SH3KBP1: variants seen among roughly 807,000 people sequenced by gnomAD.
SH3KBP1 encodes SH3 domain-containing kinase-binding protein 1.
SH3KBP1 carries 8 observed loss-of-function variants against 50.1 expected under a neutral mutation model. The observed-to-expected ratio is 0.16, with a 90% CI of 0.09 to 0.29. SH3KBP1 has a LOEUF of 0.29. Among genes scored for constraint, SH3KBP1 ranks in the 10% least tolerant of loss-of-function variants. SH3KBP1 has a pLI of 1.00. For missense variants in SH3KBP1, 377 were observed against 535.2 expected (o/e 0.70, Z 2.92); for synonymous variants, 227 against 218.6 (o/e 1.04, Z -0.34).
chrX:19,831,518 G>A (rs1432900089), intron 2 of SH3KBP1, among the ~76,000 whole-genome samples: 1 of 106,875 alleles, frequency 9.4e-6, no homozygotes, highest in Non-Finnish European at 1.9e-5. Flanking sequence ...CTGACCGGGT[G>A]TGGTGGCTCA....
At chrX:19,683,715 A>G in intron 6 of SH3KBP1, 108 bp downstream of exon 6, 3 of 685,241 alleles carry the variant, frequency 4.4e-6, no homozygotes, top group Admixed American at 4.8e-5. Flanking sequence ...GTACATGAGG[A>G]CATGGAAACC....
intron 13 of SH3KBP1, among the ~76,000 whole-genome samples, chrX:19,561,419 A>T (rs777764458): frequency 1.8e-5 from 2 of 111,362 alleles, no homozygotes; most frequent in South Asian, 7.6e-4. Context: ...TTAGGAAAAA[A>T]ATTACAAGTA....
intron 3 of SH3KBP1, among the ~76,000 whole-genome samples, chrX:19,719,642 T>C (rs985379039): frequency 9.1e-6 from 1 of 110,330 alleles, no homozygotes; most frequent in Non-Finnish European, 1.9e-5. Context: ...GAATTAGCCA[T>C]GTGAAAGGGT....
At chrX:19,671,397 T>TACAC (rs779834613) in intron 6 of SH3KBP1, among the ~76,000 whole-genome samples, 2 of 73,648 alleles carry the variant, frequency 2.7e-5, no homozygotes, top group African/African-American at 8.1e-5. Flanking sequence ...CACACACACA[T>TACAC]ACACACACAC....
At chrX:19,540,920 CTT>C (rs771269101) in intron 16 of SH3KBP1, among the ~76,000 whole-genome samples, 3 of 103,903 alleles carry the variant, frequency 2.9e-5, no homozygotes, top group Non-Finnish European at 4.0e-5. Context: ...TGCCTCCCTA[CTT>C]TTTTTTTTTT....
At chrX:19,736,782 G>A (rs779898964) in intron 3 of SH3KBP1, among the ~76,000 whole-genome samples, 2 of 111,843 alleles carry the variant, frequency 1.8e-5, no homozygotes, top group African/African-American at 6.5e-5. Context: ...TGTGATGACA[G>A]ATCAACAGAT....
intron 3 of SH3KBP1, among the ~76,000 whole-genome samples, chrX:19,713,116 G>C (rs190844884): frequency 9.1e-6 from 1 of 110,143 alleles, no homozygotes; most frequent in East Asian, 2.9e-4. Flanking sequence ...TCAGCTACTC[G>C]GGAGGCTGAG....
chrX:19,543,831 T>C (rs1296663302), intron 15 of SH3KBP1, among the ~76,000 whole-genome samples: 1 of 110,657 alleles, frequency 9.0e-6, no homozygotes, highest in African/African-American at 3.3e-5. Flanking sequence ...AGGACAGTCA[T>C]GGGCGAGAGA....
At chrX:19,738,954 T>C (rs1184688016) in intron 3 of SH3KBP1, among the ~76,000 whole-genome samples, 6 of 92,579 alleles carry the variant, frequency 6.5e-5, no homozygotes, top group Admixed American at 5.8e-4. Context: ...AAAGTTGCAG[T>C]GAGCCGAGAT....
intron 1 of SH3KBP1, among the ~76,000 whole-genome samples, chrX:19,847,289 G>C (rs2068388981): frequency 9.0e-6 from 1 of 111,412 alleles, no homozygotes; most frequent in African/African-American, 3.3e-5. Flanking sequence ...GAAGGCAAAA[G>C]GGACATGTAA....
At chrX:19,542,853 C>A (rs1346207239) in intron 15 of SH3KBP1, among the ~76,000 whole-genome samples, 1 of 111,480 alleles carries the variant, frequency 9.0e-6, no homozygotes, top group African/African-American at 3.3e-5. Context: ...CAAGAGAGGG[C>A]CTTGGGGGCA....
At chrX:19,886,920 C>T (rs2069602357) in intron 1 of SH3KBP1, among the ~76,000 whole-genome samples, 1 of 108,563 alleles carries the variant, frequency 9.2e-6, no homozygotes, top group South Asian at 4.1e-4. Context: ...CGCGCAGGGC[C>T]GGAGCCCACC....
At chrX:19,554,073 CATTATATAT>C (rs2065364020) in intron 13 of SH3KBP1, among the ~76,000 whole-genome samples, 2 of 46,453 alleles carry the variant, frequency 4.3e-5, no homozygotes, top group Admixed American at 7.0e-4. Context: ...TATTAAAATA[CATTATATAT>C]ATTAAAATAT....
chrX:19,748,435 G>A (rs928100460), intron 2 of SH3KBP1, among the ~76,000 whole-genome samples: 3 of 111,381 alleles, frequency 2.7e-5, no homozygotes, highest in African/African-American at 6.5e-5. Flanking sequence ...AGAGCAGCAC[G>A]TGGGGAGCAG....
At chrX:19,657,564 C>CA (rs1479143634) in intron 6 of SH3KBP1, among the ~76,000 whole-genome samples, 1 of 107,738 alleles carries the variant, frequency 9.3e-6, no homozygotes, top group Non-Finnish European at 1.9e-5. Context: ...CCTGTCTCTA[C>CA]AAAAAATACA....
chrX:19,727,780 T>C (rs1323501714), intron 3 of SH3KBP1, among the ~76,000 whole-genome samples: 1 of 112,107 alleles, frequency 8.9e-6, no homozygotes, highest in Non-Finnish European at 1.9e-5. Context: ...GGTCAAGAGA[T>C]TGAGACTATC....
At chrX:19,681,667 G>A (rs1180520631) in intron 6 of SH3KBP1, among the ~76,000 whole-genome samples, 1 of 111,071 alleles carries the variant, frequency 9.0e-6, no homozygotes, top group Non-Finnish European at 1.9e-5. Flanking sequence ...GGCCCAGGCT[G>A]AGGAGACCAT....
At chrX:19,858,279 T>A (rs776161709) in intron 1 of SH3KBP1, among the ~76,000 whole-genome samples, 6 of 111,315 alleles carry the variant, frequency 5.4e-5, no homozygotes, top group Non-Finnish European at 9.4e-5. Context: ...AACCGGAGAA[T>A]CATAAAGCTA....
Position 19,695,649 on chromosome X carries a change from C to T in SH3KBP1, c.483G>A (p.Glu161=). 1 of 1,209,595 alleles carries T rather than the reference C, an allele frequency of 8.3e-7. No individual in the cohort carries two copies. Residue 161 remains glutamate, a synonymous_variant, in exon 5 of 18, where the codon GAG becomes GAA. Coordinates refer to ENST00000397821, the MANE Select transcript of SH3KBP1 (RefSeq NM_031892.3). ...GCTGCTCATCCTGGGAAATGCCAAGCTCATCCGACTCCCCTGACAGCTCCT... is the reference window on the plus strand; with the variant it reads ...GCTGCTCATCCTGGGAAATGCCAAGTTCATCCGACTCCCCTGACAGCTCCT... ...FIKELSGESD[E]LGISQDEQLS... is the part of the protein sequence containing the mutation.
Sources: allele counts gnomAD v4.1 joint callset (sites outside exome capture counted in the v4.1 genomes callset), GRCh38; gene constraint gnomAD v4.1.1; transcripts MANE v1.5; gene names NCBI Gene and HGNC (gene_info 2026-07-23, HGNC 2026-07-21).